The following SYNE1 variants were observed in gnomAD, a reference collection of about 807,000 sequenced individuals.
SYNE1 encodes spectrin repeat containing nuclear envelope protein 1, also known as nesprin-1.
SYNE1 carries 616 observed loss-of-function variants against 1,111.0 expected under a neutral mutation model. The ratio of observed to expected loss-of-function variants is 0.55; its 90% CI spans 0.52 to 0.59. The LOEUF is 0.59. SYNE1 is among the 20% of genes least tolerant of loss of function. The pLI is 0.00. For missense variants in SYNE1, 10,006 were observed against 10,417.0 expected (o/e 0.96, Z 1.72); for synonymous variants, 3,855 against 3,825.8 (o/e 1.01, Z -0.28).
chr6:152,151,497 A>C, intron 135 of SYNE1, 56 bp downstream of exon 135: 9 of 1,609,054 alleles, frequency 5.6e-6, no homozygotes, highest in Non-Finnish European at 7.6e-6. Flanking sequence ...AAGAGCCACA[A>C]ATCCTTTCAT....
chr6:152,240,020 T>C (rs1233399801), intron 107 of SYNE1, among the ~76,000 whole-genome samples: 4 of 152,214 alleles, frequency 2.6e-5, no homozygotes, highest in African/African-American at 9.7e-5. Context: ...ATCGTGCCAC[T>C]GCACTCCAGC....
At chr6:152,289,582 G>A (rs1202660487) in intron 95 of SYNE1, among the ~76,000 whole-genome samples, 1 of 151,876 alleles carries the variant, frequency 6.6e-6, no homozygotes, top group African/African-American at 2.4e-5. Flanking sequence ...GTAGAGATGG[G>A]GTTTCAGCAT....
chr6:152,416,907 C>G lies in SYNE1; in HGVS notation c.5530G>C (p.Gly1844Arg), dbSNP rs370008773. Residue 1844 changes from glycine to arginine, a missense_variant, in exon 41 of 146, where the codon GGA becomes CGA. Coordinates refer to ENST00000367255, the MANE Select transcript of SYNE1 (RefSeq NM_182961.4). The part of the protein sequence containing the change: ...GRAEDLHLLQ[G>R]KAEDCFQLFE... ...AGCTGGAAGCAGTCCTCAGCCTTTC[C>G]CTGCAGGAGGTGGAGGTCCTCAGCA... 8 of 1,613,916 alleles carry G rather than the reference C, an allele frequency of 5.0e-6. No individual in the cohort carries two copies. Among genetic ancestry groups the G allele is most frequent in the African/African-American group, 1.3e-5 (1 of 74,928 alleles).
chr6:152,264,466 G>C (rs1453717986), intron 100 of SYNE1, among the ~76,000 whole-genome samples: 2 of 152,172 alleles, frequency 1.3e-5, no homozygotes, highest in East Asian at 1.9e-4. Context: ...AAACACAACA[G>C]TGTCTTTAGA....
chr6:152,617,728 A>T (rs1278068476), intron 3 of SYNE1, among the ~76,000 whole-genome samples: 1 of 152,246 alleles, frequency 6.6e-6, no homozygotes, highest in Non-Finnish European at 1.5e-5. Context: ...ACACCTTAAT[A>T]GAAACATGTT....
intron 38 of SYNE1, 83 bp downstream of exon 38, chr6:152,427,610 T>C: frequency 1.3e-6 from 2 of 1,517,052 alleles, no homozygotes; most frequent in Middle Eastern, 1.9e-4. Context: ...GAGGTACAAG[T>C]TTATTTATTT....
intron 32 of SYNE1, among the ~76,000 whole-genome samples, chr6:152,439,257 A>C (rs143219311): frequency 6.6e-6 from 1 of 152,338 alleles, no homozygotes; most frequent in African/African-American, 2.4e-5. Context: ...AACTGATCCA[A>C]AGGAATTAGT....
Position 152,209,707 on chromosome 6 carries a change from G to A in SYNE1, c.22590-1501C>T, listed in dbSNP as rs150837323. ...GGAGGTTGCAGTGAGCCGAGATAGCGCCACTTCACTCTAGCCTGAGCGAAA... is the reference window on the plus strand; with the variant it reads ...GGAGGTTGCAGTGAGCCGAGATAGCACCACTTCACTCTAGCCTGAGCGAAA... On this transcript the variant is annotated intron_variant, in intron 124 of 145. Coordinates refer to ENST00000367255, the MANE Select transcript of SYNE1 (RefSeq NM_182961.4). Among the ~76,000 whole-genome samples the A allele has an allele frequency of 6.1e-3, 926 of 151,166 alleles. 15 individuals are homozygous for A. Among genetic ancestry groups the A allele is most frequent in the African/African-American group, 0.021 (847 of 41,122 alleles).
intron 91 of SYNE1, among the ~76,000 whole-genome samples, chr6:152,303,896 T>C (rs1589653020): frequency 6.8e-6 from 1 of 146,220 alleles, no homozygotes; most frequent in Non-Finnish European, 1.5e-5. Flanking sequence ...AAAACACGTG[T>C]GCACATGCAC....
intron 3 of SYNE1, among the ~76,000 whole-genome samples, chr6:152,560,016 T>C (rs752892280): frequency 7.9e-5 from 12 of 151,968 alleles, no homozygotes; most frequent in Non-Finnish European, 1.3e-4. Flanking sequence ...CTAGAAGAAA[T>C]GGATAAATTC....
chr6:152,410,465 G>A (rs2098010538), intron 42 of SYNE1: 1 of 152,026 alleles, frequency 6.6e-6, no homozygotes, highest in Non-Finnish European at 1.5e-5. Context: ...GGGCGCCATG[G>A]ATGATGCCTG....
intron 144 of SYNE1, 88 bp downstream of exon 144, chr6:152,132,034 G>A (rs2055866765): frequency 2.4e-6 from 3 of 1,261,628 alleles, no homozygotes; most frequent in South Asian, 2.4e-5. Flanking sequence ...GGGGACGCCT[G>A]CCTGTGAACC....
chr6:152,297,804 TGTGTGTGTGTGTGTGTGTGC>T (rs1358895847), intron 93 of SYNE1, among the ~76,000 whole-genome samples: 1 of 99,724 alleles, frequency 1.0e-5, no homozygotes, highest in African/African-American at 4.1e-5. Context: ...TGTGTGTGTG[TGTGTGTGTGTGTGTGTGTGC>T]GCGCGCACGT....
intron 105 of SYNE1, among the ~76,000 whole-genome samples, chr6:152,248,428 A>T (rs1025984356): frequency 6.6e-5 from 10 of 151,068 alleles, no homozygotes; most frequent in Non-Finnish European, 1.2e-4. Flanking sequence ...ATAAATAAAT[A>T]AAAATACATA....
rs993376421 is a variant in SYNE1, at chr6:152,513,165, G to A, written c.310-2062C>T. On this transcript the variant is annotated intron_variant, in intron 6 of 145. Coordinates refer to ENST00000367255, the MANE Select transcript of SYNE1 (RefSeq NM_182961.4). Reference sequence around the variant, plus strand: ...AATCCTGGACTAGACCATTGTACCTGGCCCATGTAATCTGGAGAAGTCTGA... The same window carrying A: ...AATCCTGGACTAGACCATTGTACCTAGCCCATGTAATCTGGAGAAGTCTGA... Among the ~76,000 whole-genome samples, 18 of 152,212 alleles carry A rather than the reference G, an allele frequency of 1.2e-4. 1 individual carries two copies. The highest frequency in any genetic ancestry group is 3.4e-3 in the Middle Eastern group (1 of 294).
chr6:152,409,460 T>A, intron 43 of SYNE1, 99 bp downstream of exon 43: 1 of 1,491,066 alleles, frequency 6.7e-7, no homozygotes, highest in Admixed American at 1.8e-5. Flanking sequence ...ATTACCCACA[T>A]CTAAGTATAC....
intron 133 of SYNE1, among the ~76,000 whole-genome samples, chr6:152,152,964 A>G (rs2152926560): frequency 6.6e-6 from 1 of 152,312 alleles, no homozygotes; most frequent in South Asian, 2.1e-4. Flanking sequence ...ATAGCATAAG[A>G]GTCATTTGGC....
Position 152,409,608 on chromosome 6 carries a change from G to C in SYNE1, c.6332C>G (p.Thr2111Ser). Residue 2111 changes from threonine to serine, a missense_variant, in exon 43 of 146, where the codon ACC (threonine) becomes AGC (serine). Around this residue, in one of 7 missense-constraint regions of SYNE1, gnomAD observed 4,955 missense variants for 5,017.2 expected, o/e 0.99. Coordinates refer to ENST00000367255, the MANE Select transcript of SYNE1 (RefSeq NM_182961.4). Reference protein sequence around the residue: ...VLENASSVIVTRTTIKDQEDL... With the variant: ...VLENASSVIVSRTTIKDQEDL... Reference sequence around the variant, plus strand: ...CTCCTGATCTTTTATGGTAGTTCTGGTTACAATCACACTGCTGGCATTTTC... The same window carrying C: ...CTCCTGATCTTTTATGGTAGTTCTGCTTACAATCACACTGCTGGCATTTTC... 2 of 1,613,828 alleles carry C rather than the reference G, an allele frequency of 1.2e-6. No individual in the cohort carries two copies. Among genetic ancestry groups the C allele is most frequent in the Non-Finnish European group, 1.7e-6 (2 of 1,179,958 alleles).
intron 3 of SYNE1, among the ~76,000 whole-genome samples, chr6:152,619,843 C>A (rs1486153418): frequency 2.0e-5 from 3 of 151,992 alleles, no homozygotes; most frequent in Non-Finnish European, 4.4e-5. Flanking sequence ...TGAGGGAGGG[C>A]CTGAAAGAAG....
Sources: gnomAD v4.1 joint callset for allele counts (sites outside exome capture counted in the v4.1 genomes callset) on GRCh38, gnomAD v4.1.1 for gene constraint, gnomAD v4.1.1 regional missense constraint, MANE v1.5 for transcripts, NCBI Gene and HGNC (gene_info 2026-07-23, HGNC 2026-07-21) for gene names.